LSS: variants seen among roughly 807,000 people sequenced by gnomAD.
LSS encodes lanosterol synthase.
Under a neutral mutation model 110.3 loss-of-function variants are expected in LSS, and 90 were observed. That is an observed-to-expected ratio of 0.82 (90% CI 0.69 to 0.97). The LOEUF is 0.97. Ranked by LOEUF, LSS falls within the 50% of genes least tolerant of loss-of-function variation. The pLI is 0.00. For synonymous variants in LSS, 433 were observed against 400.0 expected, an observed-to-expected ratio of 1.08 and a Z score of -0.98; for missense variants, 927 against 990.0, an observed-to-expected ratio of 0.94 and a Z score of 0.85.
At position 46,198,829 on chromosome 21, in the gene LSS, C is replaced by CAAAA. The variant is rs35148484; in HGVS notation, c.1671-2566_1671-2563dup. ...ACCAAAACAACTGGACATCCACATG[C>CAAAA]AAAAAAAAAAAAAAAAAAAAAAATC... On this transcript the variant is annotated intron_variant, in intron 17 of 21. Coordinates refer to ENST00000397728, the MANE Select transcript of LSS (RefSeq NM_002340.6). Among the ~76,000 whole-genome samples, 188 of 73,344 alleles carry CAAAA rather than the reference C, an allele frequency of 2.6e-3. 3 individuals are homozygous for CAAAA. The highest frequency in any genetic ancestry group is 3.1e-3 in the Non-Finnish European group (126 of 41,100). The allele number at this position is 73,344 out of a possible 152,430, so 48.1% of individuals were successfully genotyped here.
At chr21:46,215,655 T>C in intron 8 of LSS, 30 bp downstream of exon 8, 1 of 1,502,836 alleles carries the variant, frequency 6.7e-7, no homozygotes, top group Non-Finnish European at 9.2e-7. Context: ...GACCCTGGGC[T>C]GCCCTGCCGG....
intron 3 of LSS, among the ~76,000 whole-genome samples, chr21:46,223,594 A>G (rs1195446883): frequency 6.6e-6 from 1 of 152,268 alleles, no homozygotes; most frequent in African/African-American, 2.4e-5. Context: ...GAATAGTTAT[A>G]CCAGATATAG....
At chr21:46,203,621 ACTCACGCCCAC>A (rs2080008271) in intron 17 of LSS, among the ~76,000 whole-genome samples, 1 of 152,210 alleles carries the variant, frequency 6.6e-6, no homozygotes, top group Non-Finnish European at 1.5e-5. Context: ...GCTGAGGACA[ACTCACGCCCAC>A]CTCATGCCGC....
Position 46,188,800 on chromosome 21 carries a change from G to T in LSS, c.*2304C>A. 2.1e-6 allele frequency: 1 copy of T among 470,656 alleles called. No homozygotes were observed. Among genetic ancestry groups the T allele is most frequent in the Non-Finnish European group, 4.4e-6 (1 of 226,438 alleles). 29.2% of individuals were successfully genotyped at this position (470,656 alleles called of 1,614,324 possible). A position where few individuals can be genotyped will look rare whatever the true frequency, so the allele number is the denominator to read the frequency against. On this transcript the variant is annotated 3_prime_UTR_variant, in exon 22 of 22. Coordinates refer to ENST00000397728, the MANE Select transcript of LSS (RefSeq NM_002340.6). ...ACACCGAAGAGGGCAGGGAATCGCT[G>T]CGTCCTGTGACTTGAAGGCCACTGT...
chr21:46,196,036 T>C lies in LSS; in HGVS notation c.1736+166A>G, dbSNP rs542701704. 2.4e-4 allele frequency among the ~76,000 whole-genome samples: 37 copies of C among 152,348 alleles called. 1 individual carries two copies. In the South Asian group the frequency reaches 7.0e-3, roughly 29 times the overall value. ...TTTCCACCGGGGCAAAGGCCACGCA[T>C]GCCACAAAGGAACGAGGTCCCCCAG... is the stretch of plus-strand genomic sequence containing the variant. On this transcript the variant is annotated intron_variant, in intron 18 of 21. Coordinates refer to ENST00000397728, the MANE Select transcript of LSS (RefSeq NM_002340.6).
intron 3 of LSS, among the ~76,000 whole-genome samples, chr21:46,226,107 G>A (rs1434599040): frequency 6.7e-6 from 1 of 149,098 alleles, no homozygotes; most frequent in African/African-American, 2.5e-5. Context: ...TTGCACTCCA[G>A]CCTGGGGAAC....
intron 4 of LSS, 126 bp from the exon 5 acceptor site, chr21:46,222,101 GCCAAC>G: frequency 2.8e-6 from 3 of 1,066,524 alleles, no homozygotes; most frequent in Non-Finnish European, 4.1e-6. Flanking sequence ...GACATAACAT[GCCAAC>G]ACAGGAGACC....
chr21:46,223,038 G>A (rs1419024074), intron 3 of LSS, among the ~76,000 whole-genome samples: 4 of 152,202 alleles, frequency 2.6e-5, no homozygotes, highest in Admixed American at 2.6e-4. Flanking sequence ...AGCACCTCAG[G>A]AAGGTCTCCC....
At chr21:46,205,070 C>G (rs1048923904) in intron 17 of LSS, among the ~76,000 whole-genome samples, 1 of 152,172 alleles carries the variant, frequency 6.6e-6, no homozygotes, top group Admixed American at 6.5e-5. Flanking sequence ...TACCCTCTAA[C>G]ACAGCAATGC....
intron 3 of LSS, chr21:46,225,477 G>A: frequency 6.7e-6 from 3 of 447,034 alleles, no homozygotes; most frequent in South Asian, 3.2e-5. Flanking sequence ...GGGGAGTTTA[G>A]AGAAGACTCT....
chr21:46,222,197 C>T, intron 4 of LSS: 1 of 584,176 alleles, frequency 1.7e-6, no homozygotes, highest in Non-Finnish European at 3.0e-6. Flanking sequence ...CCGTGACCCG[C>T]CTGCTCTACA....
At position 46,215,755 on chromosome 21, in the gene LSS, C is replaced by T. The variant is rs1175105779; in HGVS notation, c.822G>A (p.Leu274=). 1 of 1,612,956 alleles carries T rather than the reference C, an allele frequency of 6.2e-7. No homozygotes were observed. Among genetic ancestry groups the T allele is most frequent in the Non-Finnish European group, 8.5e-7 (1 of 1,179,424 alleles). Residue 274 remains leucine (L), a synonymous_variant, in exon 8 of 22, where the codon CTG becomes CTA. Coordinates refer to ENST00000397728, the MANE Select transcript of LSS (RefSeq NM_002340.6). ...YVEDFASIDW[L]AQRNNVAPDE... is the part of the protein sequence containing the mutation. ...CGGGGGCCACGTTGTTCCTCTGCGC[C>T]AGCCAGTCAATGCTGGCGAAGTCCT...
chr21:46,207,378 C>T (rs367872035), intron 15 of LSS, 50 bp downstream of exon 15: 2 of 1,599,450 alleles, frequency 1.3e-6, no homozygotes, highest in African/African-American at 2.7e-5. Context: ...GCACGCAGCT[C>T]ATCTGCAGGA....
intron 9 of LSS, among the ~76,000 whole-genome samples, chr21:46,214,240 T>G (rs1275459078): frequency 6.6e-6 from 1 of 152,248 alleles, no homozygotes; most frequent in East Asian, 1.9e-4. Context: ...AGGGACCACT[T>G]GCCCCCCTTC....
chr21:46,189,780 G>A lies in LSS; in HGVS notation c.*1324C>T, dbSNP rs1439238363. 3 of 454,912 alleles carry A rather than the reference G, an allele frequency of 6.6e-6. No homozygotes were observed. The highest frequency in any genetic ancestry group is 1.3e-5 in the Non-Finnish European group (3 of 225,352). The allele number at this position is 454,912 out of a possible 1,614,324, so 28.2% of individuals were successfully genotyped here. A position where few individuals can be genotyped will look rare whatever the true frequency, so the allele number is the denominator to read the frequency against. ...GAGCAGATAAGGAGGTATAGGGTGT[G>A]CCCTGGGCAAGGCAGCAGGGGTAAC... On this transcript the variant is annotated 3_prime_UTR_variant, in exon 22 of 22. Transcript: ENST00000397728.
chr21:46,218,817 C>G (rs1423637537), intron 6 of LSS, among the ~76,000 whole-genome samples: 1 of 151,444 alleles, frequency 6.6e-6, no homozygotes, highest in African/African-American at 2.4e-5. Flanking sequence ...CCTCTGCCTC[C>G]CAGGGTCAAG....
At chr21:46,208,462 C>T (rs1308006307) in intron 13 of LSS, among the ~76,000 whole-genome samples, 161 bp from the exon 14 acceptor site, 1 of 152,174 alleles carries the variant, frequency 6.6e-6, no homozygotes, top group African/African-American at 2.4e-5. Context: ...GCGAGGCGCG[C>T]GAGGGCCTGC....
In LSS at chr21:46,213,844, G is replaced by A. The variant is rs768271401; in HGVS notation, c.1012-9C>T. The A allele has an allele frequency of 6.2e-7, 1 of 1,607,422 alleles. No individual in the cohort carries two copies. Among genetic ancestry groups the A allele is most frequent in the East Asian group, 2.2e-5 (1 of 44,772 alleles). ...TTGATGGTTTTCGAGATCTGCAGGA[G>A]AGACAGCCCTGTCAAGGCTCCGCTC... On this transcript the variant is annotated splice_polypyrimidine_tract_variant and intron_variant, in intron 9 of 21. Coordinates refer to ENST00000397728, the MANE Select transcript of LSS (RefSeq NM_002340.6).
intron 17 of LSS, 195 bp from the exon 18 acceptor site, chr21:46,196,462 C>T: frequency 1.7e-6 from 1 of 582,440 alleles, no homozygotes; most frequent in South Asian, 2.1e-5. Context: ...AGCGGATTGG[C>T]AGAGTCTGAG....
Sources: gnomAD v4.1 joint callset for allele counts (sites outside exome capture counted in the v4.1 genomes callset) on GRCh38, gnomAD v4.1.1 for gene constraint, MANE v1.5 for transcripts, NCBI Gene and HGNC (gene_info 2026-07-23, HGNC 2026-07-21) for gene names.